Variants in XPO7 observed in about 807,000 individuals in gnomAD.
XPO7 encodes the protein exportin-7.
In XPO7, 21 loss-of-function variants were observed where a neutral mutation model predicts 144.3. The observed-to-expected ratio is 0.15, with a 90% CI of 0.10 to 0.21. XPO7 has a LOEUF of 0.21. XPO7 is among the 10% of genes least tolerant of loss of function. XPO7 has a pLI of 1.00. For missense variants in XPO7, 808 were observed against 1,325.8 expected (o/e 0.61, Z 6.06); for synonymous variants, 580 against 499.6 (o/e 1.16, Z -2.15).
At chr8:21,964,697 G>T (rs559588472) in intron 1 of XPO7, among the ~76,000 whole-genome samples, 5 of 151,896 alleles carry the variant, frequency 3.3e-5, no homozygotes, top group Non-Finnish European at 7.4e-5. Flanking sequence ...CTTGTTTCCT[G>T]AGCTGAGAAC....
chr8:21,931,374 G>T (rs1354808457), intron 1 of XPO7, among the ~76,000 whole-genome samples: 3 of 152,072 alleles, frequency 2.0e-5, no homozygotes, highest in Non-Finnish European at 4.4e-5. Context: ...TGTTGGTCAG[G>T]CTGGTCTCGA....
At chr8:21,981,953 T>G in intron 10 of XPO7, 76 bp downstream of exon 10, 1 of 1,571,118 alleles carries the variant, frequency 6.4e-7, no homozygotes, top group Non-Finnish European at 8.7e-7. Context: ...CATGTAAGAA[T>G]ATATTTTTTT....
intron 11 of XPO7, among the ~76,000 whole-genome samples, 156 bp downstream of exon 11, chr8:21,982,968 G>C (rs889967237): frequency 2.6e-5 from 4 of 152,212 alleles, no homozygotes; most frequent in Non-Finnish European, 5.9e-5. Flanking sequence ...AGTAGCATGA[G>C]AGCATAAAGC....
Position 22,003,898 on chromosome 8 carries a change from C to T in XPO7, c.3043-5C>T. 2 of 1,613,812 alleles carry T rather than the reference C, an allele frequency of 1.2e-6. No individual in the cohort carries two copies. The highest frequency in any genetic ancestry group is 1.7e-6 in the Non-Finnish European group (2 of 1,179,814). On this transcript the variant is annotated splice_region_variant and splice_polypyrimidine_tract_variant and intron_variant, in intron 26 of 27. Transcript: ENST00000252512. ...TAACCTTCTGTTCCACTCCTTGCCC[C>T]ACAGTATTTTTCTGACCTAAGAAAC... is the stretch of plus-strand genomic sequence containing the variant.
chr8:21,985,809 G>A, intron 13 of XPO7, 118 bp downstream of exon 13: 1 of 779,486 alleles, frequency 1.3e-6, no homozygotes, highest in Non-Finnish European at 2.1e-6. Flanking sequence ...ATGAGACACA[G>A]CTTTCAAGGC....
intron 1 of XPO7, among the ~76,000 whole-genome samples, chr8:21,963,706 A>T (rs961897526): frequency 6.6e-6 from 1 of 152,172 alleles, no homozygotes; most frequent in African/African-American, 2.4e-5. Context: ...AAAAAAAAAA[A>T]AAAAGTATAA....
intron 15 of XPO7, chr8:21,988,758 C>T: frequency 2.1e-6 from 1 of 485,922 alleles, no homozygotes. Flanking sequence ...TTCCAAGGGC[C>T]TGGGTATGGG....
chr8:21,922,126 C>G (rs939208093), intron 1 of XPO7, among the ~76,000 whole-genome samples: 1 of 152,044 alleles, frequency 6.6e-6, no homozygotes, highest in Non-Finnish European at 1.5e-5. Flanking sequence ...TGGAGAGTTG[C>G]ATTTGTTGAA....
At chr8:21,967,396 T>C (rs1811918946) in intron 2 of XPO7, among the ~76,000 whole-genome samples, 1 of 152,212 alleles carries the variant, frequency 6.6e-6, no homozygotes, top group Admixed American at 6.5e-5. Context: ...AATGGCGTGA[T>C]CTTGGCTCAC....
chr8:21,942,347 T>C (rs1480661292), intron 1 of XPO7, among the ~76,000 whole-genome samples: 1 of 152,238 alleles, frequency 6.6e-6, no homozygotes, highest in Non-Finnish European at 1.5e-5. Flanking sequence ...AAACAATTTT[T>C]AGAATATGTG....
At chr8:21,933,568 T>C (rs980204036) in intron 1 of XPO7, among the ~76,000 whole-genome samples, 1 of 152,200 alleles carries the variant, frequency 6.6e-6, no homozygotes, top group Admixed American at 6.5e-5. Context: ...CTGACTCTTG[T>C]TTTTAAACAG....
intron 1 of XPO7, among the ~76,000 whole-genome samples, chr8:21,937,164 C>T (rs934558746): frequency 6.6e-6 from 1 of 152,094 alleles, no homozygotes; most frequent in Non-Finnish European, 1.5e-5. Flanking sequence ...TTTAGATTAA[C>T]GAGTAATTTA....
chr8:21,959,950 G>A (rs188045765), intron 1 of XPO7, among the ~76,000 whole-genome samples: 4 of 152,272 alleles, frequency 2.6e-5, no homozygotes, highest in East Asian at 1.9e-4. Flanking sequence ...TGTTTTAACC[G>A]AATTTGGTGA....
At chr8:21,972,379 A>G (rs1812093181) in intron 5 of XPO7, among the ~76,000 whole-genome samples, 1 of 152,150 alleles carries the variant, frequency 6.6e-6, no homozygotes, top group South Asian at 2.1e-4. Flanking sequence ...CTTGGGAGAC[A>G]GGCAGGAGAA....
At chr8:21,971,223 A>G (rs896749018) in intron 4 of XPO7, among the ~76,000 whole-genome samples, 3 of 152,152 alleles carry the variant, frequency 2.0e-5, no homozygotes, top group African/African-American at 2.4e-5. Flanking sequence ...ATGTAAGTAC[A>G]CTCTATGATG....
At chr8:21,947,457 A>G (rs537020292) in intron 1 of XPO7, among the ~76,000 whole-genome samples, 1 of 152,362 alleles carries the variant, frequency 6.6e-6, no homozygotes, top group Admixed American at 6.5e-5. Context: ...TAACCTCAAA[A>G]TGAAAAGCCA....
chr8:21,934,328 G>C (rs1413164930), intron 1 of XPO7, among the ~76,000 whole-genome samples: 1 of 152,172 alleles, frequency 6.6e-6, no homozygotes, highest in Non-Finnish European at 1.5e-5. Flanking sequence ...GAGGTCGGGA[G>C]TTTGAGACTA....
chr8:21,926,151 G>GA lies in XPO7; in HGVS notation c.18+6373dup, dbSNP rs57896297. ...TCTCTTAGAAAAACATTAGTTAGATGAAAAAAAAAATCAAAATATTTTCCT... is the reference window on the plus strand; with the variant it reads ...TCTCTTAGAAAAACATTAGTTAGATGAAAAAAAAAAATCAAAATATTTTCCT... On this transcript the variant is annotated intron_variant, in intron 1 of 27. Transcript: ENST00000252512. 4.6e-4 allele frequency among the ~76,000 whole-genome samples: 68 copies of GA among 148,956 alleles called. 1 individual carries two copies. The highest frequency in any genetic ancestry group is 7.8e-4 in the African/African-American group (32 of 40,788).
chr8:21,989,171 G>A (rs1812677164), intron 16 of XPO7, 88 bp downstream of exon 16: 5 of 1,259,638 alleles, frequency 4.0e-6, no homozygotes, highest in Admixed American at 4.2e-5. Context: ...TTCCACTTCA[G>A]TTTAGCTGTA....
Sources: gnomAD v4.1 joint callset for allele counts (sites outside exome capture counted in the v4.1 genomes callset) on GRCh38, gnomAD v4.1.1 for gene constraint, MANE v1.5 for transcripts, NCBI Gene and HGNC (gene_info 2026-07-23, HGNC 2026-07-21) for gene names.